The following CTPS2 variants were observed in gnomAD, a reference collection of about 807,000 sequenced individuals.
The protein encoded by CTPS2 is CTP synthase 2, also known as CTP synthase II.
Under a neutral mutation model 46.8 loss-of-function variants are expected in CTPS2, and 19 were observed. The ratio of observed to expected loss-of-function variants is 0.41; its 90% CI spans 0.28 to 0.60. The LOEUF (loss-of-function observed/expected upper bound fraction) is 0.60, where lower values mean the gene tolerates loss of function less well. Among genes scored for constraint, CTPS2 ranks in the 20% least tolerant of loss-of-function variants. The pLI, the probability that CTPS2 is intolerant of heterozygous loss-of-function variation, is 0.35. For synonymous variants in CTPS2, 151 were observed against 165.2 expected (o/e 0.91, Z 0.66); for missense variants, 286 against 447.6 (o/e 0.64, Z 3.26).
chrX:16,665,490 A>G (rs1370177892), intron 13 of CTPS2, among the ~76,000 whole-genome samples: 1 of 112,435 alleles, frequency 8.9e-6, no homozygotes, highest in Non-Finnish European at 1.9e-5. Flanking sequence ...CTTTGAAAAC[A>G]TTATCCTAAG....
chrX:16,638,112 G>A (rs1481245740), intron 14 of CTPS2, among the ~76,000 whole-genome samples: 8 of 110,009 alleles, frequency 7.3e-5, no homozygotes, highest in Admixed American at 1.9e-4. Flanking sequence ...AAAATTAGCC[G>A]GGCGCGGTGG....
intron 16 of CTPS2, among the ~76,000 whole-genome samples, chrX:16,610,260 T>A (rs1372928929): frequency 8.9e-6 from 1 of 111,749 alleles, no homozygotes; most frequent in African/African-American, 3.2e-5. Flanking sequence ...GATCCATTCA[T>A]TCAAATATCC....
chrX:16,615,633 G>C (rs1479627157), intron 16 of CTPS2, among the ~76,000 whole-genome samples: 2 of 111,803 alleles, frequency 1.8e-5, no homozygotes, highest in Middle Eastern at 4.6e-3. Flanking sequence ...AGAAGAATCT[G>C]AGCAGACAGG....
intron 2 of CTPS2, among the ~76,000 whole-genome samples, chrX:16,700,731 C>A (rs953513281): frequency 2.5e-4 from 28 of 111,121 alleles, no homozygotes; most frequent in African/African-American, 9.2e-4. Context: ...ACTTGTGAGT[C>A]TATTCTTTGT....
intron 17 of CTPS2, among the ~76,000 whole-genome samples, chrX:16,601,247 A>G (rs758857955): frequency 9.0e-6 from 1 of 111,084 alleles, no homozygotes; most frequent in East Asian, 2.9e-4. Flanking sequence ...TCCAAGAGAG[A>G]GCAGAGCCAC....
At chrX:16,651,229 G>A in intron 13 of CTPS2, 1 of 915,924 alleles carries the variant, frequency 1.1e-6, no homozygotes, top group Non-Finnish European at 1.5e-6. Context: ...GAGCCTTATA[G>A]GGACCGTCGC....
At chrX:16,592,744 G>A (rs1346555358) in intron 17 of CTPS2, among the ~76,000 whole-genome samples, 2 of 112,191 alleles carry the variant, frequency 1.8e-5, no homozygotes, top group East Asian at 2.8e-4. Flanking sequence ...GGTCAGCAGC[G>A]TGAAAGTTTT....
intron 17 of CTPS2, among the ~76,000 whole-genome samples, chrX:16,594,008 AT>A (rs1264279467): frequency 3.6e-5 from 4 of 111,578 alleles, no homozygotes; most frequent in Non-Finnish European, 7.5e-5. Context: ...AAGAAAGGGG[AT>A]TTGGAAGTTG....
intron 13 of CTPS2, among the ~76,000 whole-genome samples, chrX:16,662,930 G>C (rs973840241): frequency 9.0e-6 from 1 of 110,972 alleles, no homozygotes; most frequent in Non-Finnish European, 1.9e-5. Context: ...TCGCGCGTGG[G>C]TGCAAGGATA....
intron 17 of CTPS2, among the ~76,000 whole-genome samples, chrX:16,593,802 A>G (rs1024405771): frequency 1.8e-5 from 2 of 110,537 alleles, no homozygotes; most frequent in Non-Finnish European, 1.9e-5. Context: ...AAACCAATCA[A>G]GTAGAAAGAT....
intron 8 of CTPS2, among the ~76,000 whole-genome samples, chrX:16,688,930 CA>C (rs774786474): frequency 3.6e-4 from 34 of 95,736 alleles, no homozygotes; most frequent in Middle Eastern, 5.1e-3. Context: ...CCCGTCTCTA[CA>C]AAAAAAAAAA....
intron 3 of CTPS2, 54 bp from the exon 4 acceptor site, chrX:16,698,390 T>C: frequency 1.1e-6 from 1 of 871,832 alleles, no homozygotes. Context: ...GAGAAAAGAA[T>C]GTGCTTTAGG....
chrX:16,705,971 C>T (rs776196690), intron 1 of CTPS2, among the ~76,000 whole-genome samples: 1 of 107,575 alleles, frequency 9.3e-6, no homozygotes, highest in Admixed American at 1.0e-4. Context: ...TGTGGTGGTG[C>T]ACACCTGTAA....
intron 13 of CTPS2, among the ~76,000 whole-genome samples, chrX:16,655,872 T>C (rs1482562058): frequency 9.0e-6 from 1 of 110,679 alleles, no homozygotes; most frequent in Admixed American, 9.6e-5. Context: ...CTTGGCTCAC[T>C]GCAACCTCCG....
chrX:16,693,893 G>T (rs1010196418), intron 4 of CTPS2, among the ~76,000 whole-genome samples: 1 of 112,088 alleles, frequency 8.9e-6, no homozygotes, highest in East Asian at 2.8e-4. Flanking sequence ...AAGGCCAGGC[G>T]CAGTGGCTCA....
intron 15 of CTPS2, among the ~76,000 whole-genome samples, chrX:16,618,562 C>T (rs766160729): frequency 9.0e-6 from 1 of 111,693 alleles, no homozygotes; most frequent in East Asian, 2.8e-4. Context: ...CCATTCCAAC[C>T]AGCAATGCAT....
intron 13 of CTPS2, among the ~76,000 whole-genome samples, chrX:16,659,377 AC>A (rs1244944084): frequency 9.0e-6 from 1 of 111,368 alleles, no homozygotes; most frequent in Non-Finnish European, 1.9e-5. Context: ...TGTAGAAAGA[AC>A]CTTGAGGGGA....
chrX:16,678,784 T>G (rs1177408053), intron 9 of CTPS2, among the ~76,000 whole-genome samples: 1 of 109,932 alleles, frequency 9.1e-6, no homozygotes, highest in Non-Finnish European at 1.9e-5. Flanking sequence ...GGAGGATCCT[T>G]TGAGCCTGGG....
At chrX:16,626,199 T>C (rs1931137106) in intron 14 of CTPS2, among the ~76,000 whole-genome samples, 1 of 110,794 alleles carries the variant, frequency 9.0e-6, no homozygotes, top group South Asian at 3.9e-4. Flanking sequence ...CTGGCCAACA[T>C]GGTGAAACTC....
Sources: allele counts gnomAD v4.1 joint callset (sites outside exome capture counted in the v4.1 genomes callset), GRCh38; gene constraint gnomAD v4.1.1; transcripts MANE v1.5; gene names NCBI Gene and HGNC (gene_info 2026-07-23, HGNC 2026-07-21).